LUC7L2: variants seen among roughly 807,000 people sequenced by gnomAD.
The protein encoded by LUC7L2 is putative RNA-binding protein Luc7-like 2.
Under a neutral mutation model 52.8 loss-of-function variants are expected in LUC7L2, and 25 were observed. That is an observed-to-expected ratio of 0.47 (90% CI 0.34 to 0.66). The LOEUF is 0.66. LUC7L2 is among the 30% of genes least tolerant of loss of function. The probability of loss-of-function intolerance (pLI) is 0.01; values close to 1 mark genes in which losing one functional copy is unlikely to be tolerated. For missense variants in LUC7L2, 328 were observed against 497.8 expected (o/e 0.66, Z 3.25); for synonymous variants, 144 against 160.9 (o/e 0.89, Z 0.80).
At chr7:139,350,886 G>A (rs1219557057) in intron 1 of LUC7L2, among the ~76,000 whole-genome samples, 1 of 152,038 alleles carries the variant, frequency 6.6e-6, no homozygotes, top group Admixed American at 6.6e-5. Flanking sequence ...ATGTTGGCCA[G>A]GCTGGTCTCC....
chr7:139,394,067 G>T (rs1794559672), intron 2 of LUC7L2, among the ~76,000 whole-genome samples: 1 of 151,124 alleles, frequency 6.6e-6, no homozygotes, highest in Non-Finnish European at 1.5e-5. Context: ...CCTCTTGGAG[G>T]AAAAAAGAAG....
intron 7 of LUC7L2, among the ~76,000 whole-genome samples, chr7:139,410,196 ACT>A (rs762040216): frequency 6.0e-5 from 9 of 151,034 alleles, no homozygotes; most frequent in South Asian, 2.1e-4. Context: ...CGACAGCGAG[ACT>A]CTGTCTCAAA....
chr7:139,419,500 T>G (rs1795789235), intron 9 of LUC7L2, among the ~76,000 whole-genome samples: 1 of 152,240 alleles, frequency 6.6e-6, no homozygotes, highest in East Asian at 1.9e-4. Context: ...ATAAGCATTT[T>G]TTAAAAGTTA....
intron 4 of LUC7L2, among the ~76,000 whole-genome samples, chr7:139,402,647 T>G (rs1794964196): frequency 6.6e-6 from 1 of 152,196 alleles, no homozygotes; most frequent in Non-Finnish European, 1.5e-5. Context: ...CTCAGCCTTC[T>G]GAGTAACTGG....
At chr7:139,357,695 AT>A (rs11383117), upstream of LUC7L2, among the ~76,000 whole-genome samples, 216 of 143,866 alleles carry the variant, frequency 1.5e-3, no homozygotes, top group East Asian at 1.8e-3. Flanking sequence ...ATTCAAAATA[AT>A]TTTTTTTTTT....
Position 139,405,506 on chromosome 7 carries a change from T to G in LUC7L2, c.367-138T>G, listed in dbSNP as rs1795079994. On this transcript the variant is annotated intron_variant, in intron 4 of 9. Transcript: ENST00000354926. Reference sequence around the variant, plus strand: ...ACATCCTGATGTCTCAGTAGTTCATTTGGGATACGCTCAGAAAGCATTCTT... The same window carrying G: ...ACATCCTGATGTCTCAGTAGTTCATGTGGGATACGCTCAGAAAGCATTCTT... 4 of 1,112,984 alleles carry G rather than the reference T, an allele frequency of 3.6e-6. No individual in the cohort carries two copies. The East Asian group carries it at 1.1e-4, about 31-fold the overall frequency. The allele number at this position is 1,112,984 out of a possible 1,614,324, so 68.9% of individuals were successfully genotyped here. A position where few individuals can be genotyped will look rare whatever the true frequency, so the allele number is the denominator to read the frequency against.
At chr7:139,420,381 TTAG>T (rs1488347421) in intron 9 of LUC7L2, among the ~76,000 whole-genome samples, 1 of 152,194 alleles carries the variant, frequency 6.6e-6, no homozygotes, top group Non-Finnish European at 1.5e-5. Flanking sequence ...TTTTGTATTT[TTAG>T]TAGGGACAGG....
At chr7:139,374,638 TA>T in intron 1 of LUC7L2, 1 of 1,441,446 alleles carries the variant, frequency 6.9e-7, no homozygotes. Context: ...GACGAGCTTC[TA>T]GAAAACCTAT....
At chr7:139,390,641 C>T (rs1000568094) in intron 2 of LUC7L2, among the ~76,000 whole-genome samples, 2 of 151,604 alleles carry the variant, frequency 1.3e-5, no homozygotes, top group African/African-American at 4.9e-5. Context: ...CTGCAAGCTC[C>T]ACCTCCCAGG....
intron 1 of LUC7L2, among the ~76,000 whole-genome samples, chr7:139,350,455 G>A (rs530163158): frequency 1.3e-5 from 2 of 151,840 alleles, no homozygotes; most frequent in African/African-American, 2.4e-5. Flanking sequence ...TTGTTGTTAT[G>A]TATCCATTTT....
intron 9 of LUC7L2, among the ~76,000 whole-genome samples, chr7:139,419,132 A>AG: frequency 6.7e-6 from 1 of 150,214 alleles, no homozygotes; most frequent in African/African-American, 2.5e-5. Context: ...AAAACAAACA[A>AG]AAAAAAAAAC....
In LUC7L2 at chr7:139,423,401, G is replaced by A. The variant is rs1012359118; in HGVS notation, c.*1061G>A. 2.0e-4 allele frequency: 78 copies of A among 398,772 alleles called. No individual in the cohort carries two copies. The highest frequency in any genetic ancestry group is 1.8e-5 in the Non-Finnish European group (4 of 226,026). 24.7% of individuals were successfully genotyped at this position (398,772 alleles called of 1,614,324 possible). On this transcript the variant is annotated 3_prime_UTR_variant, in exon 10 of 10. Transcript: ENST00000354926. Reference sequence around the variant, plus strand: ...AGGGCTCGACCTGCAGAAGAAACTGGGGTGTTTTTATTCTCATTCAACAAA... The same window carrying A: ...AGGGCTCGACCTGCAGAAGAAACTGAGGTGTTTTTATTCTCATTCAACAAA...
chr7:139,412,842 A>G lies in LUC7L2; in HGVS notation c.809+262A>G, dbSNP rs577293077. On this transcript the variant is annotated intron_variant, in intron 8 of 9. Transcript: ENST00000354926. The stretch of plus-strand genomic sequence containing the variant: ...TCTGTCTTTAAAAAAAAAAAAAAAA[A>G]AAAAAAGAAAATTTTTTTTGAAATC... 1.0e-4 allele frequency: 24 copies of G among 230,378 alleles called. No individual in the cohort carries two copies. In the South Asian group the frequency reaches 1.6e-3, roughly 15 times the overall value. 14.3% of individuals were successfully genotyped at this position (230,378 alleles called of 1,614,324 possible). A position where few individuals can be genotyped will look rare whatever the true frequency, so the allele number is the denominator to read the frequency against.
chr7:139,398,019 A>AT (rs1168502019), intron 2 of LUC7L2, among the ~76,000 whole-genome samples: 1 of 152,066 alleles, frequency 6.6e-6, no homozygotes, highest in Admixed American at 6.6e-5. Context: ...GTTTTTAAAA[A>AT]TTTTTTATTT....
chr7:139,406,611 C>A (rs1270382593), intron 5 of LUC7L2, among the ~76,000 whole-genome samples: 1 of 152,172 alleles, frequency 6.6e-6, no homozygotes, highest in Non-Finnish European at 1.5e-5. Context: ...ACCTCAGCCT[C>A]CCAAAGTGCT....
At chr7:139,386,003 CAAT>C (rs1214079556) in intron 2 of LUC7L2, among the ~76,000 whole-genome samples, 3 of 152,028 alleles carry the variant, frequency 2.0e-5, no homozygotes, top group Non-Finnish European at 4.4e-5. Context: ...AACTTGAAAA[CAAT>C]AATTTTTTTT....
chr7:139,409,681 A>G lies in LUC7L2; in HGVS notation c.779+27A>G, dbSNP rs1311845436. The stretch of plus-strand genomic sequence containing the variant: ...TATGGAGTAATGGGCCAAGTAATTG[A>G]AGTTGAATCTCTGTGGTTCTAAAAA... On this transcript the variant is annotated intron_variant, in intron 7 of 9. Coordinates refer to ENST00000354926, the MANE Select transcript of LUC7L2 (RefSeq NM_016019.5). 1.9e-6 allele frequency: 3 copies of G among 1,570,262 alleles called. No individual in the cohort carries two copies. In the South Asian group the frequency reaches 3.6e-5, roughly 19 times the overall value.
intron 1 of LUC7L2, chr7:139,363,332 G>T (rs1218059476): frequency 1.3e-6 from 1 of 755,898 alleles, no homozygotes; most frequent in Non-Finnish European, 1.6e-6. Context: ...CCATATAACT[G>T]GGGGTCTGAC....
At chr7:139,416,376 A>C (rs1174222984) in intron 8 of LUC7L2, 1 of 151,934 alleles carries the variant, frequency 6.6e-6, no homozygotes, top group Non-Finnish European at 1.5e-5. Context: ...TTATTTTGCC[A>C]GCACCTTGAT....
Sources: gnomAD v4.1 joint callset for allele counts (sites outside exome capture counted in the v4.1 genomes callset) on GRCh38, gnomAD v4.1.1 for gene constraint, MANE v1.5 for transcripts, NCBI Gene and HGNC (gene_info 2026-07-23, HGNC 2026-07-21) for gene names.